The following QTMAN variants were observed in gnomAD, a reference collection of about 807,000 sequenced individuals.
The protein encoded by QTMAN is queuosine-tRNA mannosyltransferase.
At chr2:144,163,278 T>C in the QTMAN span, among the ~76,000 whole-genome samples, 9,398 of 151,958 alleles carry the variant, frequency 0.062, 410 homozygotes, top group Admixed American at 0.15. Flanking sequence ...CAATTATATA[T>C]TACTTTTAAA....
the QTMAN span, chr2:143,952,966 G>T: frequency 3.1e-6 from 2 of 649,574 alleles, no homozygotes; most frequent in Non-Finnish European, 5.6e-6. Context: ...CAAAAAACAT[G>T]GTCGGCAGTA....
chr2:144,226,357 G>C, the QTMAN span, among the ~76,000 whole-genome samples: 1 of 152,174 alleles, frequency 6.6e-6, no homozygotes, highest in Non-Finnish European at 1.5e-5. Context: ...TAAAAATAAT[G>C]AGGGAGGGCT....
the QTMAN span, among the ~76,000 whole-genome samples, chr2:144,105,238 G>C: frequency 2.6e-5 from 4 of 152,226 alleles, no homozygotes; most frequent in Admixed American, 6.5e-5. Flanking sequence ...GCCAGCAACA[G>C]AGCAAAGCTG....
the QTMAN span, among the ~76,000 whole-genome samples, chr2:144,250,166 C>T: frequency 2.0e-5 from 3 of 147,808 alleles, no homozygotes; most frequent in South Asian, 2.1e-4. Context: ...GATGGAGTCT[C>T]GCTCTGTCGC....
chr2:144,267,343 G>C, the QTMAN span, among the ~76,000 whole-genome samples: 1 of 152,208 alleles, frequency 6.6e-6, no homozygotes, highest in African/African-American at 2.4e-5. Context: ...AGGAAGAAGA[G>C]TAGGCAGCAG....
chr2:144,318,168 A>C, the QTMAN span, among the ~76,000 whole-genome samples: 1 of 149,888 alleles, frequency 6.7e-6, no homozygotes. Context: ...ATAAGGTAAA[A>C]AGGTGCCTGC....
chr2:144,214,762 C>A, the QTMAN span, among the ~76,000 whole-genome samples: 5 of 152,130 alleles, frequency 3.3e-5, no homozygotes, highest in Non-Finnish European at 7.4e-5. Flanking sequence ...AAAACTCATA[C>A]GCCATACTTT....
At chr2:144,208,919 A>G in the QTMAN span, 1 of 575,650 alleles carries the variant, frequency 1.7e-6, no homozygotes, top group South Asian at 3.0e-5. Context: ...GCAATGTGTT[A>G]TTTTTCAAAA....
the QTMAN span, among the ~76,000 whole-genome samples, chr2:144,097,161 T>TGA: frequency 6.6e-6 from 1 of 152,268 alleles, no homozygotes; most frequent in Non-Finnish European, 1.5e-5. Flanking sequence ...TCTAATGCAA[T>TGA]GATTCCTAAT....
At chr2:144,071,404 G>A in the QTMAN span, among the ~76,000 whole-genome samples, 1 of 152,126 alleles carries the variant, frequency 6.6e-6, no homozygotes, top group South Asian at 2.1e-4. Context: ...TCCCGATTAT[G>A]CAAAAACACA....
the QTMAN span, among the ~76,000 whole-genome samples, chr2:144,192,413 A>G: frequency 6.6e-6 from 1 of 152,142 alleles, no homozygotes; most frequent in Admixed American, 6.6e-5. Context: ...GGCCTAGTTT[A>G]ACTCTTTAAC....
the QTMAN span, among the ~76,000 whole-genome samples, chr2:144,043,937 A>G: frequency 6.6e-6 from 1 of 152,186 alleles, no homozygotes; most frequent in Non-Finnish European, 1.5e-5. Context: ...CCACAGTATC[A>G]TATCGGTTTT....
chr2:144,231,096 A>C, the QTMAN span, among the ~76,000 whole-genome samples: 1 of 152,200 alleles, frequency 6.6e-6, no homozygotes, highest in East Asian at 1.9e-4. Context: ...TCAAAAATTA[A>C]GAGGAAAAAT....
chr2:144,200,496 C>T, the QTMAN span, among the ~76,000 whole-genome samples: 1 of 152,138 alleles, frequency 6.6e-6, no homozygotes, highest in Non-Finnish European at 1.5e-5. Flanking sequence ...ACATAAAATA[C>T]ACGAACAATA....
chr2:144,117,450 T>A, the QTMAN span, among the ~76,000 whole-genome samples: 1 of 152,128 alleles, frequency 6.6e-6, no homozygotes, highest in African/African-American at 2.4e-5. Flanking sequence ...ATATAACTCC[T>A]CTAGGAAAAA....
the QTMAN span, among the ~76,000 whole-genome samples, chr2:144,053,989 C>T: frequency 1.3e-5 from 2 of 152,084 alleles, no homozygotes; most frequent in South Asian, 4.1e-4. Flanking sequence ...AGATCGAGAT[C>T]ATCCTGGCTA....
At chr2:144,257,670 C>T in the QTMAN span, among the ~76,000 whole-genome samples, 209 of 152,300 alleles carry the variant, frequency 1.4e-3, no homozygotes, top group African/African-American at 4.9e-3. Flanking sequence ...ACTTGCACTT[C>T]ATTTAACCCC....
At chr2:144,056,746 T>C in the QTMAN span, among the ~76,000 whole-genome samples, 1 of 152,194 alleles carries the variant, frequency 6.6e-6, no homozygotes, top group African/African-American at 2.4e-5. Context: ...GAAGTCTACA[T>C]GTTGGGGACT....
At chr2:144,142,143 G>A in the QTMAN span, 1 of 825,306 alleles carries the variant, frequency 1.2e-6, no homozygotes, top group East Asian at 2.6e-5. Context: ...GGATTAATCA[G>A]AGTTTATACT....
Sources: gnomAD v4.1 joint callset for allele counts (sites outside exome capture counted in the v4.1 genomes callset) on GRCh38, gnomAD v4.1.1 for gene constraint, MANE v1.5 for transcripts, NCBI Gene and HGNC (gene_info 2026-07-23, HGNC 2026-07-21) for gene names.